ADGRB1: variants seen among roughly 807,000 people sequenced by gnomAD.
The protein encoded by ADGRB1 is brain-specific angiogenesis inhibitor 1.
Under a neutral mutation model 175.7 loss-of-function variants are expected in ADGRB1, and 36 were observed. The observed-to-expected ratio is 0.20, with a 90% confidence interval of 0.16 to 0.27. The LOEUF (loss-of-function observed/expected upper bound fraction) is 0.27. ADGRB1 is among the 10% of genes least tolerant of loss of function. The pLI, the probability that ADGRB1 is intolerant of heterozygous loss-of-function variation, is 1.00. For missense variants in ADGRB1, 1,731 were observed against 2,255.3 expected, an observed-to-expected ratio of 0.77 and a Z score of 4.71; for synonymous variants, 1,054 against 979.4, an observed-to-expected ratio of 1.08 and a Z score of -1.42.
At chr8:142,502,441 GTGGTGA>G (rs1842653890) in intron 17 of ADGRB1, among the ~76,000 whole-genome samples, 1 of 60,208 alleles carries the variant, frequency 1.7e-5, no homozygotes, top group Non-Finnish European at 3.6e-5. Context: ...GGTGGTAGTG[GTGGTGA>G]TGATGGGGTG....
rs528294477 is a variant in ADGRB1 at position 142,478,185 on chromosome 8, G to C, written c.1388-2G>C. On this transcript the variant is annotated splice_acceptor_variant, in intron 6 of 30. Coordinates refer to ENST00000517894, the MANE Select transcript of ADGRB1 (RefSeq NM_001702.3). LOFTEE classifies it high-confidence loss of function. ...CCACTTTGTGTCTCCTTCCTCCCCC[G>C]GGCCGGGCAGTGGATGGAAACTGGA... The C allele has an allele frequency of 1.9e-6, 3 of 1,601,266 alleles. No homozygotes were observed. The East Asian group carries it at 6.8e-5, about 36-fold the overall frequency.
rs1292872935 is a variant in ADGRB1 at position 142,511,004 on chromosome 8, C to T, written c.2748C>T (p.Ala916=). 9.8e-6 allele frequency: 13 copies of T among 1,325,524 alleles called. No homozygotes were observed. In the South Asian group the frequency reaches 1.4e-4, roughly 14 times the overall value. The allele number at this position is 1,325,524 out of a possible 1,614,324, so 82.1% of individuals were successfully genotyped here. A position where few individuals can be genotyped will look rare whatever the true frequency, so the allele number is the denominator to read the frequency against. ...GCTGCCGCACGGTGCCCCTCGACGC[C>T]CTCCGGACGCGCTGCCTCTGTGACC... ...WRGCRTVPLD[A]LRTRCLCDRL... is the part of the protein sequence containing the mutation. The change falls in exon 18 of 31, where the codon GCC becomes GCT. Residue 916 remains alanine, a synonymous_variant. Transcript: ENST00000517894. The surrounding 1 kb of genome is among the most constrained non-coding windows in gnomAD (Gnocchi z 4.5).
At chr8:142,469,886 A>G (rs1205956749) in intron 2 of ADGRB1, among the ~76,000 whole-genome samples, 2 of 152,224 alleles carry the variant, frequency 1.3e-5, no homozygotes, top group South Asian at 2.1e-4. Context: ...AGTTGACCCC[A>G]GATCCTGCCA....
Position 142,460,257 on chromosome 8 carries a change from G to A in ADGRB1, c.-219-3723G>A, listed in dbSNP as rs1242579858. The stretch of plus-strand genomic sequence containing the variant: ...GGATGGGTGGGTCTGCTGGGGGCAG[G>A]GCAGGGGGTGAGTGTGGCAGGTGGG... On this transcript the variant is annotated intron_variant, in intron 1 of 30. Coordinates refer to ENST00000517894, the MANE Select transcript of ADGRB1 (RefSeq NM_001702.3). Among the ~76,000 whole-genome samples the A allele has an allele frequency of 2.0e-5, 3 of 152,202 alleles. No homozygotes were observed. The East Asian group carries it at 5.8e-4, about 29-fold the overall frequency.
At chr8:142,463,447 C>G (rs1002284686) in intron 1 of ADGRB1, among the ~76,000 whole-genome samples, 1 of 152,252 alleles carries the variant, frequency 6.6e-6, no homozygotes, top group Admixed American at 6.5e-5. Context: ...GGGAATGGCC[C>G]GAGTAACCTT....
In ADGRB1 at chr8:142,481,377, G is replaced by A. The variant is rs747847312; in HGVS notation, c.1935+17G>A. The A allele has an allele frequency of 3.8e-5, 61 of 1,612,460 alleles. No homozygotes were observed. Among genetic ancestry groups the A allele is most frequent in the African/African-American group, 3.3e-4 (25 of 74,904 alleles). On this transcript the variant is annotated intron_variant, in intron 10 of 30. Transcript: ENST00000517894. Reference sequence around the variant, plus strand: ...CAGATGATGGTGAGGGCCAGTTCCCGGGGGTCTCCAACCCCTCCCCAATCA... The same window carrying A: ...CAGATGATGGTGAGGGCCAGTTCCCAGGGGTCTCCAACCCCTCCCCAATCA...
chr8:142,523,943 A>G (rs1016821941), intron 22 of ADGRB1, among the ~76,000 whole-genome samples: 4 of 152,106 alleles, frequency 2.6e-5, no homozygotes, highest in African/African-American at 9.7e-5. Flanking sequence ...AGGGACAGTC[A>G]GGTGGCCTTG....
Position 142,535,086 on chromosome 8 carries a change from C to A in ADGRB1, c.3570+1620C>A, listed in dbSNP as rs182789284. Among the ~76,000 whole-genome samples, 12 of 152,334 alleles carry A rather than the reference C, an allele frequency of 7.9e-5. No individual in the cohort carries two copies. In the East Asian group the frequency reaches 1.5e-3, roughly 20 times the overall value. On this transcript the variant is annotated intron_variant, in intron 25 of 30. Transcript: ENST00000517894. ...CCTTGTGGAAATTAAAAACAGAGAG[C>A]AGCTCAAAGCTCAGTAGAAGGAAAA...
At chr8:142,480,123 C>A (rs1043296890) in intron 9 of ADGRB1, among the ~76,000 whole-genome samples, 1 of 152,178 alleles carries the variant, frequency 6.6e-6, no homozygotes, top group Non-Finnish European at 1.5e-5. Context: ...CCGGGGCTTG[C>A]GGGGACAGGA....
intron 11 of ADGRB1, among the ~76,000 whole-genome samples, chr8:142,482,410 G>A (rs1841405578): frequency 6.9e-6 from 1 of 144,414 alleles, no homozygotes; most frequent in Non-Finnish European, 1.5e-5. Flanking sequence ...CCCTGACACT[G>A]GTCACCCACT....
rs557436074 is a variant in ADGRB1, at chr8:142,492,959, C to T, written c.2675+2144C>T. Among the ~76,000 whole-genome samples the T allele has an allele frequency of 1.3e-5, 2 of 152,210 alleles. 1 individual carries two copies. The highest frequency in any genetic ancestry group is 4.1e-4 in the South Asian group (2 of 4,820). On this transcript the variant is annotated intron_variant, in intron 17 of 30. Transcript: ENST00000517894. This position sits in a 1 kb window ranked among gnomAD's most constrained non-coding sequence, Gnocchi z 4.4. ...CCGCGGCAGCTCTCGGGGGGCTGCG[C>T]CCTGGTTCACTCAACCAGCCCCTGC...
At position 142,535,868 on chromosome 8, in the gene ADGRB1, G is replaced by A. The variant is rs139018791; in HGVS notation, c.3571-1119G>A. Among the ~76,000 whole-genome samples the A allele has an allele frequency of 7.2e-3, 1,099 of 152,304 alleles. 11 individuals carry two copies. Among genetic ancestry groups the A allele is most frequent in the Non-Finnish European group, 0.012 (789 of 68,018 alleles). On this transcript the variant is annotated intron_variant, in intron 25 of 30. Transcript: ENST00000517894. ...GGCAGGAAGGCACACCTGCTGTGGC[G>A]GCCTGGAGTCCTTAGCTGGTGTCCG...
At chr8:142,539,733 TTCCTCTGTCGTG>T in intron 27 of ADGRB1, 1 of 492,876 alleles carries the variant, frequency 2.0e-6, no homozygotes, top group Non-Finnish European at 3.7e-6. Flanking sequence ...CTGACATCTC[TTCCTCTGTCGTG>T]GCCCCAGCGA....
intron 17 of ADGRB1, among the ~76,000 whole-genome samples, chr8:142,507,016 G>T (rs1842882363): frequency 6.6e-6 from 1 of 152,208 alleles, no homozygotes; most frequent in South Asian, 2.1e-4. Context: ...GTGGGAGGGG[G>T]CAGGCAGCCA....
At chr8:142,461,930 G>A (rs1352008531) in intron 1 of ADGRB1, among the ~76,000 whole-genome samples, 6 of 152,232 alleles carry the variant, frequency 3.9e-5, no homozygotes, top group East Asian at 1.9e-4. Context: ...GGCTCACCCC[G>A]GGACTGTAGC....
intron 13 of ADGRB1, 33 bp from the exon 14 acceptor site, chr8:142,488,331 C>G (rs1278503899): frequency 1.9e-6 from 3 of 1,611,136 alleles, no homozygotes; most frequent in Admixed American, 1.7e-5. Flanking sequence ...TTTCCCTCCT[C>G]TCTGTCTCTC....
intron 2 of ADGRB1, among the ~76,000 whole-genome samples, chr8:142,469,005 A>T (rs1163258370): frequency 6.6e-6 from 1 of 152,276 alleles, no homozygotes; most frequent in East Asian, 1.9e-4. Flanking sequence ...AACCAGGCAC[A>T]GACATGTTAA....
intron 2 of ADGRB1, among the ~76,000 whole-genome samples, chr8:142,469,469 G>A (rs987302330): frequency 8.0e-5 from 12 of 150,194 alleles, no homozygotes; most frequent in South Asian, 2.1e-4. Flanking sequence ...GTGTATGCAC[G>A]TGCATGTGTG....
chr8:142,529,091 C>T (rs2132188490), intron 24 of ADGRB1, among the ~76,000 whole-genome samples: 1 of 152,370 alleles, frequency 6.6e-6, no homozygotes, highest in East Asian at 1.9e-4. Flanking sequence ...CCATGACACC[C>T]CCGCAGTTCT....
Sources: allele counts gnomAD v4.1 joint callset (sites outside exome capture counted in the v4.1 genomes callset), GRCh38; gene constraint gnomAD v4.1.1; non-coding constraint Gnocchi (gnomAD v3.1); transcripts MANE v1.5; gene names NCBI Gene and HGNC (gene_info 2026-07-23, HGNC 2026-07-21).